GSE1: variants seen among roughly 807,000 people sequenced by gnomAD.
The protein encoded by GSE1 is Gse1 coiled-coil protein.
Under a neutral mutation model 112.6 loss-of-function variants are expected in GSE1, and 32 were observed. The observed-to-expected ratio is 0.28, with a 90% confidence interval of 0.21 to 0.38. GSE1 has a LOEUF of 0.38. Among genes scored for constraint, GSE1 ranks in the 10% least tolerant of loss-of-function variants. The pLI is 1.00. For missense variants in GSE1, 2,348 were observed against 1,699.2 expected (o/e 1.38, Z -6.71); for synonymous variants, 1,115 against 735.6 (o/e 1.52, Z -8.35).
At chr16:85,637,545 G>A (rs887981549) in intron 2 of GSE1, among the ~76,000 whole-genome samples, 3 of 151,790 alleles carry the variant, frequency 2.0e-5, no homozygotes, top group South Asian at 4.1e-4. Context: ...CCCCTTGATC[G>A]CGGCAGTGGC....
upstream of GSE1, among the ~76,000 whole-genome samples, chr16:85,610,530 TCCCA>T (rs1372182800): frequency 6.6e-6 from 1 of 152,166 alleles, no homozygotes; most frequent in East Asian, 1.9e-4. Context: ...GGAGAGCAAT[TCCCA>T]CCCTTAAACT....
intron 1 of GSE1, among the ~76,000 whole-genome samples, chr16:85,334,445 C>T (rs2046440756): frequency 6.6e-6 from 1 of 152,226 alleles, no homozygotes; most frequent in Non-Finnish European, 1.5e-5. Flanking sequence ...CTTCTGGCCC[C>T]CTCCAGCCAT....
intron 2 of GSE1, among the ~76,000 whole-genome samples, chr16:85,450,171 G>A (rs796648951): frequency 7.2e-5 from 9 of 124,990 alleles, no homozygotes; most frequent in African/African-American, 2.8e-4. Context: ...GCCCAGGTTG[G>A]AGTGCAATAG....
At chr16:85,223,410 C>T (rs771962310) in intron 1 of GSE1, among the ~76,000 whole-genome samples, 17 of 151,696 alleles carry the variant, frequency 1.1e-4, no homozygotes, top group Non-Finnish European at 1.9e-4. Context: ...GTAATCCCAG[C>T]TAATCGGGAG....
chr16:85,621,004 G>C (rs2151630329), intron 1 of GSE1, among the ~76,000 whole-genome samples: 1 of 152,072 alleles, frequency 6.6e-6, no homozygotes, highest in African/African-American at 2.4e-5. Flanking sequence ...CTGCTGTGTT[G>C]GGGAATCCGT....
chr16:85,170,947 G>C (rs1835637329), exon 1 of GSE1: 1 of 985,490 alleles, frequency 1.0e-6, no homozygotes, highest in Middle Eastern at 5.2e-4. Context: ...CCTGCCCTCC[G>C]GGGCCCTGCG....
chr16:85,175,288 G>T (rs908693361), intron 1 of GSE1, among the ~76,000 whole-genome samples: 2 of 152,172 alleles, frequency 1.3e-5, no homozygotes, highest in Non-Finnish European at 2.9e-5. Context: ...TGTGTCTGGG[G>T]TGGCCTGGGG....
chr16:85,300,523 A>T (rs2045492338), intron 1 of GSE1, among the ~76,000 whole-genome samples: 1 of 152,108 alleles, frequency 6.6e-6, no homozygotes. Context: ...CGGACATTTC[A>T]TGTGAATGGA....
intron 1 of GSE1, among the ~76,000 whole-genome samples, chr16:85,224,300 A>C (rs12930797): frequency 1.8e-5 from 2 of 109,614 alleles, no homozygotes; most frequent in Non-Finnish European, 3.9e-5. Context: ...TACTAAAAAT[A>C]CAAAAAAAAA....
chr16:85,364,763 C>T (rs1289299061), intron 2 of GSE1, among the ~76,000 whole-genome samples: 5 of 152,214 alleles, frequency 3.3e-5, no homozygotes, highest in African/African-American at 9.6e-5. Flanking sequence ...AGCTCACACC[C>T]CACCCAGACG....
intron 2 of GSE1, among the ~76,000 whole-genome samples, chr16:85,374,239 G>A (rs2047365479): frequency 6.6e-6 from 1 of 151,184 alleles, no homozygotes. Flanking sequence ...TTGTGCCTGT[G>A]CATGGTCGTG....
chr16:85,341,238 G>T (rs975357525), intron 1 of GSE1, among the ~76,000 whole-genome samples: 1 of 151,918 alleles, frequency 6.6e-6, no homozygotes, highest in Non-Finnish European at 1.5e-5. Flanking sequence ...TCTGTCTTCA[G>T]GTTAGAGTGC....
At chr16:85,646,482 G>A (rs968477238) in intron 2 of GSE1, among the ~76,000 whole-genome samples, 1 of 152,238 alleles carries the variant, frequency 6.6e-6, no homozygotes, top group African/African-American at 2.4e-5. Flanking sequence ...GCCCCCAGTG[G>A]ACACTGCTGT....
At chr16:85,613,029 C>T (rs1218749872), upstream of GSE1, 7 of 330,384 alleles carry the variant, frequency 2.1e-5, no homozygotes, top group Non-Finnish European at 3.2e-5. Flanking sequence ...CGCTGGTGTC[C>T]CCGGCTCACC....
intron 2 of GSE1, among the ~76,000 whole-genome samples, chr16:85,384,063 C>T (rs549313836): frequency 4.6e-5 from 7 of 152,318 alleles, no homozygotes; most frequent in Admixed American, 6.5e-5. Context: ...CTCCTTTTTC[C>T]AGGCTGCTCC....
chr16:85,226,159 A>T (rs757067235), intron 1 of GSE1, among the ~76,000 whole-genome samples: 2 of 152,196 alleles, frequency 1.3e-5, no homozygotes, highest in Non-Finnish European at 2.9e-5. Flanking sequence ...CTGAGAAGGT[A>T]GGCACGTCAG....
chr16:85,556,370 G>C (rs1163983211), intron 1 of GSE1: 1 of 984,222 alleles, frequency 1.0e-6, no homozygotes, highest in Non-Finnish European at 1.2e-6. Flanking sequence ...CCAGGTAAGC[G>C]AGCCGTGCGC....
At chr16:85,641,175 T>G (rs2050413277) in intron 2 of GSE1, among the ~76,000 whole-genome samples, 1 of 152,250 alleles carries the variant, frequency 6.6e-6, no homozygotes, top group South Asian at 2.1e-4. Context: ...TGTGCCCGTT[T>G]CTTCTTCCTC....
At chr16:85,552,635 G>C (rs1469634258), upstream of GSE1, among the ~76,000 whole-genome samples, 3 of 152,238 alleles carry the variant, frequency 2.0e-5, no homozygotes, top group Non-Finnish European at 4.4e-5. Context: ...CTCAGTCTCA[G>C]GTGGACCTCG....
Sources: allele counts gnomAD v4.1 joint callset (sites outside exome capture counted in the v4.1 genomes callset), GRCh38; gene constraint gnomAD v4.1.1; transcripts MANE v1.5; gene names NCBI Gene and HGNC (gene_info 2026-07-23, HGNC 2026-07-21).